ME1: variants seen among roughly 807,000 people sequenced by gnomAD.
ME1 encodes NADP-dependent malic enzyme.
ME1 carries 74 observed loss-of-function variants against 66.4 expected under a neutral mutation model. That is an observed-to-expected ratio of 1.11 (90% CI 0.92 to 1.35). The LOEUF (loss-of-function observed/expected upper bound fraction) is 1.35, where lower values mean the gene tolerates loss of function less well. ME1 is among the 40% of genes most tolerant of loss of function. The pLI is 0.00. For missense variants in ME1, 750 were observed against 694.1 expected (o/e 1.08, Z -0.90); for synonymous variants, 251 against 235.6 (o/e 1.07, Z -0.60).
At chr6:83,418,256 T>A (rs2128553139) in intron 1 of ME1, among the ~76,000 whole-genome samples, 1 of 152,316 alleles carries the variant, frequency 6.6e-6, no homozygotes, top group African/African-American at 2.4e-5. Flanking sequence ...GCTCACATGA[T>A]TATGGAGGCT....
chr6:83,414,844 C>T (rs1328652713), intron 1 of ME1, among the ~76,000 whole-genome samples: 1 of 152,092 alleles, frequency 6.6e-6, no homozygotes, highest in African/African-American at 2.4e-5. Flanking sequence ...CAAGATGGAG[C>T]ACTATTTTAT....
intron 3 of ME1, among the ~76,000 whole-genome samples, chr6:83,352,374 TA>T (rs35314785): frequency 0.25 from 38,483 of 151,966 alleles, 5,544 homozygotes; most frequent in Middle Eastern, 0.46. Context: ...TTCTCTTAGA[TA>T]TTTTAAAATA....
chr6:83,346,963 C>CT (rs1027334307), intron 4 of ME1, among the ~76,000 whole-genome samples: 3 of 150,478 alleles, frequency 2.0e-5, no homozygotes, highest in Non-Finnish European at 4.4e-5. Flanking sequence ...TTTTTTTTCC[C>CT]TTTTTTCCGA....
rs376907702 is a variant in ME1 at position 83,400,345 on chromosome 6, C to T, written c.213-1829G>A. On this transcript the variant is annotated intron_variant, in intron 2 of 13. Coordinates refer to ENST00000369705, the MANE Select transcript of ME1 (RefSeq NM_002395.6). ...CTCCTGTTTCCACCATGATTGTAAG[C>T]TTCCTGAGGCCCTCACCAAGGCAGC... Among the ~76,000 whole-genome samples the T allele has an allele frequency of 2.4e-4, 36 of 152,266 alleles. No individual in the cohort carries two copies. The East Asian group carries it at 5.0e-3, about 21-fold the overall frequency.
rs577071729 is a variant in ME1 at position 83,223,857 on chromosome 6, T to G, written c.1352A>C (p.Gln451Pro). 7.0e-5 allele frequency: 113 copies of G among 1,614,008 alleles called. 1 individual carries two copies. In the South Asian group the frequency reaches 1.2e-3, roughly 17 times the overall value. ...AGGGAACACATAGGAATTGTTGCCTTGGCCAGGATATAGGGTCTGTCCATT... is the reference window on the plus strand; with the variant it reads ...AGGGAACACATAGGAATTGTTGCCTGGGCCAGGATATAGGGTCTGTCCATT... ...LPNGQTLYPG[Q>P]GNNSYVFPGV... Residue 451 changes from glutamine to proline, a missense_variant, in exon 12 of 14, where the codon CAA becomes CCA. Coordinates refer to ENST00000369705, the MANE Select transcript of ME1 (RefSeq NM_002395.6).
chr6:83,361,248 G>A (rs888227526), intron 3 of ME1, among the ~76,000 whole-genome samples: 1 of 152,192 alleles, frequency 6.6e-6, no homozygotes, highest in Admixed American at 6.5e-5. Context: ...AATTTCTAGT[G>A]GTCCAGTGGT....
At position 83,210,580 on chromosome 6, in the gene ME1, T is replaced by G. The variant is rs1285125132; in HGVS notation, c.*1344A>C. ...GAAACTCTTGACTATATGTTACCTTTAGAAATACCTTAACCTCTTCTGCTC... is the reference window on the plus strand; with the variant it reads ...GAAACTCTTGACTATATGTTACCTTGAGAAATACCTTAACCTCTTCTGCTC... On this transcript the variant is annotated 3_prime_UTR_variant, in exon 14 of 14. Coordinates refer to ENST00000369705, the MANE Select transcript of ME1 (RefSeq NM_002395.6). 6.6e-6 allele frequency: 1 copy of G among 152,470 alleles called. No homozygotes were observed. The highest frequency in any genetic ancestry group is 1.5e-5 in the Non-Finnish European group (1 of 68,032). The allele number at this position is 152,470 out of a possible 1,614,324, so 9.4% of individuals were successfully genotyped here.
intron 6 of ME1, among the ~76,000 whole-genome samples, chr6:83,292,073 T>C (rs1767514144): frequency 6.6e-6 from 1 of 152,120 alleles, no homozygotes; most frequent in African/African-American, 2.4e-5. Flanking sequence ...AACATGCTCC[T>C]TTAGCTCAGA....
intron 7 of ME1, among the ~76,000 whole-genome samples, chr6:83,241,169 G>A (rs1790502179): frequency 6.6e-6 from 1 of 152,106 alleles, no homozygotes; most frequent in Non-Finnish European, 1.5e-5. Flanking sequence ...TAGAAAGAGA[G>A]GTATAGATAT....
intron 7 of ME1, among the ~76,000 whole-genome samples, chr6:83,245,986 G>A (rs1255546500): frequency 2.0e-5 from 3 of 152,112 alleles, no homozygotes; most frequent in Non-Finnish European, 2.9e-5. Context: ...ATGAGTAAGA[G>A]GAAGAAGTAT....
At chr6:83,382,856 T>C (rs913159974) in intron 3 of ME1, among the ~76,000 whole-genome samples, 2 of 150,602 alleles carry the variant, frequency 1.3e-5, no homozygotes, top group African/African-American at 2.5e-5. Context: ...CTAGGCATAG[T>C]ACCCAGATGT....
At chr6:83,235,359 G>A (rs900865580) in intron 9 of ME1, among the ~76,000 whole-genome samples, 3 of 151,828 alleles carry the variant, frequency 2.0e-5, no homozygotes, top group African/African-American at 7.3e-5. Flanking sequence ...AACAACACCC[G>A]ATCCATAGGT....
At chr6:83,237,425 A>AAAAGGAAG (rs1790437019) in intron 9 of ME1, among the ~76,000 whole-genome samples, 1 of 124,960 alleles carries the variant, frequency 8.0e-6, no homozygotes, top group African/African-American at 3.7e-5. Context: ...AGAAAGAAAG[A>AAAAGGAAG]GAAAGGAAAG....
intron 6 of ME1, among the ~76,000 whole-genome samples, chr6:83,300,188 G>A (rs558143297): frequency 6.6e-6 from 1 of 152,170 alleles, no homozygotes; most frequent in Admixed American, 6.5e-5. Context: ...TAACTGGCTA[G>A]CCATATACAG....
At chr6:83,286,083 T>C (rs1767391330) in intron 6 of ME1, among the ~76,000 whole-genome samples, 1 of 152,208 alleles carries the variant, frequency 6.6e-6, no homozygotes, top group South Asian at 2.1e-4. Flanking sequence ...ATAAGATTTC[T>C]TTAAATAAGA....
intron 5 of ME1, among the ~76,000 whole-genome samples, chr6:83,329,732 T>C (rs1383398145): frequency 6.6e-6 from 1 of 152,230 alleles, no homozygotes; most frequent in Non-Finnish European, 1.5e-5. Context: ...TTGTAAATTA[T>C]CTGTGTCCAT....
At chr6:83,333,957 G>T (rs1291331910) in intron 5 of ME1, among the ~76,000 whole-genome samples, 5 of 151,906 alleles carry the variant, frequency 3.3e-5, no homozygotes, top group Admixed American at 6.5e-5. Context: ...GTCAGGGGGG[G>T]AGGAGCCAAG....
At position 83,400,319 on chromosome 6, in the gene ME1, G is replaced by C. The variant is rs1276332900; in HGVS notation, c.213-1803C>G. Among the ~76,000 whole-genome samples the C allele has an allele frequency of 2.0e-5, 3 of 152,020 alleles. No homozygotes were observed. In the East Asian group the frequency reaches 5.8e-4, roughly 29 times the overall value. On this transcript the variant is annotated intron_variant, in intron 2 of 13. Transcript: ENST00000369705. ...TTGGTTGGCACTTCCTTCCTATCTTGCTCCTGTTTCCACCATGATTGTAAG... is the reference window on the plus strand; with the variant it reads ...TTGGTTGGCACTTCCTTCCTATCTTCCTCCTGTTTCCACCATGATTGTAAG...
intron 12 of ME1, among the ~76,000 whole-genome samples, chr6:83,219,326 T>G (rs886309835): frequency 6.6e-6 from 1 of 152,214 alleles, no homozygotes; most frequent in East Asian, 1.9e-4. Context: ...AGCACAATGT[T>G]AAAAAGATGT....
Sources: gnomAD v4.1 joint callset for allele counts (sites outside exome capture counted in the v4.1 genomes callset) on GRCh38, gnomAD v4.1.1 for gene constraint, MANE v1.5 for transcripts, NCBI Gene and HGNC (gene_info 2026-07-23, HGNC 2026-07-21) for gene names.